The following SPOCK1 variants were observed in gnomAD, a reference collection of about 807,000 sequenced individuals.
SPOCK1 encodes the protein SPARC (osteonectin), cwcv and kazal like domains proteoglycan 1, also known as testican-1.
In SPOCK1, 23 loss-of-function variants were observed where a neutral mutation model predicts 55.3. That is an observed-to-expected ratio of 0.42 (90% CI 0.30 to 0.59). The LOEUF (loss-of-function observed/expected upper bound fraction) is 0.59, where lower values mean the gene tolerates loss of function less well. SPOCK1 is among the 20% of genes least tolerant of loss of function. The pLI is 0.22. For missense variants in SPOCK1, 499 were observed against 552.5 expected (o/e 0.90, Z 0.97); for synonymous variants, 226 against 221.0 (o/e 1.02, Z -0.20).
intron 2 of SPOCK1, chr5:137,273,504 G>T (rs1026131271): frequency 4.5e-6 from 2 of 446,156 alleles, no homozygotes; most frequent in Non-Finnish European, 3.0e-6. Flanking sequence ...CATTAGAAAG[G>T]TCATCCAGAT....
chr5:137,066,987 CAG>C (rs753181225), intron 6 of SPOCK1, among the ~76,000 whole-genome samples: 6,526 of 139,460 alleles, frequency 0.047, 275 homozygotes, highest in African/African-American at 0.11. Context: ...CACACACACA[CAG>C]AGAGAGAGAG....
At chr5:137,005,748 A>C (rs1319680643) in intron 6 of SPOCK1, among the ~76,000 whole-genome samples, 2 of 152,200 alleles carry the variant, frequency 1.3e-5, no homozygotes, top group Non-Finnish European at 2.9e-5. Context: ...AGAGTAACAT[A>C]TAGCTATAGA....
At chr5:137,122,373 G>T (rs192089492) in intron 4 of SPOCK1, among the ~76,000 whole-genome samples, 186 of 152,118 alleles carry the variant, frequency 1.2e-3, no homozygotes, top group South Asian at 2.9e-3. Context: ...AAATGTAAAC[G>T]AACAGTTGAG....
chr5:137,037,636 T>C lies in SPOCK1; in HGVS notation c.589+30079A>G, dbSNP rs1031421361. 3.9e-5 allele frequency among the ~76,000 whole-genome samples: 6 copies of C among 152,314 alleles called. No homozygotes were observed. The East Asian group carries it at 1.2e-3, about 29-fold the overall frequency. ...CAGGGAGGAGCAAGATCAGCATACA[T>C]ATACTCCCTTAGCCTCACTTGCAGA... is the stretch of plus-strand genomic sequence containing the variant. On this transcript the variant is annotated intron_variant, in intron 6 of 10. Coordinates refer to ENST00000394945, the MANE Select transcript of SPOCK1 (RefSeq NM_004598.4).
intron 6 of SPOCK1, among the ~76,000 whole-genome samples, chr5:137,050,796 T>C (rs1412366410): frequency 6.6e-6 from 1 of 152,158 alleles, no homozygotes; most frequent in Non-Finnish European, 1.5e-5. Flanking sequence ...TTGAAAGAAA[T>C]AGTCATTTTA....
chr5:137,185,940 G>A (rs1755060898), intron 3 of SPOCK1, among the ~76,000 whole-genome samples: 1 of 152,226 alleles, frequency 6.6e-6, no homozygotes, highest in Non-Finnish European at 1.5e-5. Flanking sequence ...TAAGCCATGA[G>A]AAACGAAGTC....
At chr5:137,272,302 G>A (rs990533943) in intron 2 of SPOCK1, among the ~76,000 whole-genome samples, 7 of 152,164 alleles carry the variant, frequency 4.6e-5, no homozygotes, top group African/African-American at 1.7e-4. Context: ...TGGTGGGTGG[G>A]AGAAATGTCC....
chr5:137,486,272 G>A (rs1754053330), intron 2 of SPOCK1, among the ~76,000 whole-genome samples: 1 of 152,134 alleles, frequency 6.6e-6, no homozygotes, highest in Non-Finnish European at 1.5e-5. Context: ...AAGAGTTGAG[G>A]CAAACTGAAG....
intron 2 of SPOCK1, among the ~76,000 whole-genome samples, chr5:137,464,498 A>G (rs1016787382): frequency 1.3e-5 from 2 of 152,124 alleles, no homozygotes; most frequent in Admixed American, 1.3e-4. Context: ...GTGTGGCAAG[A>G]AATGGTATGG....
At chr5:137,307,734 C>G (rs550318147) in intron 2 of SPOCK1, among the ~76,000 whole-genome samples, 1 of 152,314 alleles carries the variant, frequency 6.6e-6, no homozygotes, top group African/African-American at 2.4e-5. Flanking sequence ...GACTGCCCTG[C>G]AGTTGTCAGA....
intron 2 of SPOCK1, among the ~76,000 whole-genome samples, chr5:137,464,427 AC>A (rs1753557633): frequency 6.6e-6 from 1 of 152,186 alleles, no homozygotes; most frequent in African/African-American, 2.4e-5. Context: ...ATATACACCT[AC>A]TATATACCCA....
At chr5:137,417,874 T>C (rs1188271436) in intron 2 of SPOCK1, among the ~76,000 whole-genome samples, 1 of 152,220 alleles carries the variant, frequency 6.6e-6, no homozygotes, top group Non-Finnish European at 1.5e-5. Context: ...TACATATGTA[T>C]ACATGTGCCA....
At chr5:137,200,241 C>T (rs556530221) in intron 3 of SPOCK1, among the ~76,000 whole-genome samples, 109 of 152,308 alleles carry the variant, frequency 7.2e-4, no homozygotes, top group African/African-American at 2.1e-3. Flanking sequence ...TTTGGGCCTC[C>T]GAACCTGCTG....
chr5:137,040,507 C>A (rs1298244691), intron 6 of SPOCK1, among the ~76,000 whole-genome samples: 2 of 152,288 alleles, frequency 1.3e-5, no homozygotes, highest in East Asian at 1.9e-4. Flanking sequence ...ACATAAGGGA[C>A]AAATACTGCC....
intron 2 of SPOCK1, among the ~76,000 whole-genome samples, chr5:137,295,903 T>C (rs1014539653): frequency 6.6e-6 from 1 of 152,168 alleles, no homozygotes; most frequent in African/African-American, 2.4e-5. Context: ...TTACTCTTAT[T>C]CCTGTTAAGA....
chr5:137,484,381 C>T (rs1429262301), intron 2 of SPOCK1, among the ~76,000 whole-genome samples: 1 of 152,224 alleles, frequency 6.6e-6, no homozygotes, highest in Non-Finnish European at 1.5e-5. Context: ...GAGCTGTGGG[C>T]TCTCACACCT....
intron 2 of SPOCK1, among the ~76,000 whole-genome samples, chr5:137,487,443 C>T (rs1164851158): frequency 1.3e-5 from 2 of 152,040 alleles, no homozygotes; most frequent in African/African-American, 4.8e-5. Flanking sequence ...CAGACTCCCT[C>T]TGTGGTTCCG....
intron 6 of SPOCK1, among the ~76,000 whole-genome samples, chr5:137,056,716 C>A (rs954338820): frequency 6.6e-6 from 1 of 152,028 alleles, no homozygotes; most frequent in African/African-American, 2.4e-5. Flanking sequence ...CAGCCTCACT[C>A]CACTTCCACA....
At chr5:137,257,084 C>T (rs1756649870) in intron 3 of SPOCK1, among the ~76,000 whole-genome samples, 1 of 152,174 alleles carries the variant, frequency 6.6e-6, no homozygotes, top group African/African-American at 2.4e-5. Context: ...CCCAGTCCCA[C>T]CACTCCCAGT....
Sources: allele counts gnomAD v4.1 joint callset (sites outside exome capture counted in the v4.1 genomes callset), GRCh38; gene constraint gnomAD v4.1.1; transcripts MANE v1.5; gene names NCBI Gene and HGNC (gene_info 2026-07-23, HGNC 2026-07-21).